Variants in TANGO6 observed in about 807,000 individuals in gnomAD.
TANGO6 encodes transport and Golgi organization protein 6 homolog.
A neutral mutation model predicts 114.2 loss-of-function variants in TANGO6; 90 were observed. The ratio of observed to expected loss-of-function variants is 0.79; its 90% CI spans 0.66 to 0.94. The LOEUF (loss-of-function observed/expected upper bound fraction) is 0.94. Ranked by LOEUF, TANGO6 falls within the 40% of genes least tolerant of loss-of-function variation. The pLI is 0.00. For missense variants in TANGO6, 1,274 were observed against 1,315.3 expected (o/e 0.97, Z 0.49); for synonymous variants, 477 against 509.8 (o/e 0.94, Z 0.87).
At chr16:68,935,569 G>GAGA (rs1313498669) in intron 14 of TANGO6, among the ~76,000 whole-genome samples, 2 of 152,032 alleles carry the variant, frequency 1.3e-5, no homozygotes, top group Non-Finnish European at 2.9e-5. Flanking sequence ...TATTCTTACT[G>GAGA]AGAAGCAGTG....
At position 68,867,235 on chromosome 16, in the gene TANGO6, G is replaced by T. The variant is rs1225102516; in HGVS notation, c.994+15G>T. 6.2e-7 allele frequency: 1 copy of T among 1,613,512 alleles called. No individual in the cohort carries two copies. The highest frequency in any genetic ancestry group is 8.5e-7 in the Non-Finnish European group (1 of 1,179,750). On this transcript the variant is annotated intron_variant, in intron 4 of 17. Transcript: ENST00000261778. The stretch of plus-strand genomic sequence containing the variant: ...AGGAGCAGGTGGTAAGAAATAAAAT[G>T]TTGCTGTGACTTTGGTATCTGTTTT...
chr16:68,858,346 G>A (rs1479497066), intron 1 of TANGO6, among the ~76,000 whole-genome samples: 1 of 152,092 alleles, frequency 6.6e-6, no homozygotes, highest in African/African-American at 2.4e-5. Flanking sequence ...TTATAGGCGT[G>A]AGCCACCGCG....
chr16:69,029,733 A>T (rs1362117343), intron 16 of TANGO6, among the ~76,000 whole-genome samples: 1 of 152,126 alleles, frequency 6.6e-6, no homozygotes, highest in African/African-American at 2.4e-5. Flanking sequence ...TTATTTTTCT[A>T]TATTAAGATT....
chr16:68,880,716 G>A, intron 7 of TANGO6, 86 bp downstream of exon 7: 1 of 915,170 alleles, frequency 1.1e-6, no homozygotes, highest in Non-Finnish European at 1.6e-6. Flanking sequence ...GAGATGGTGG[G>A]GTCTCACCAC....
At chr16:68,947,905 T>G (rs929256747) in intron 14 of TANGO6, among the ~76,000 whole-genome samples, 5 of 152,078 alleles carry the variant, frequency 3.3e-5, no homozygotes, top group African/African-American at 1.2e-4. Flanking sequence ...AACCCATCTT[T>G]TATAACTGAA....
intron 17 of TANGO6, among the ~76,000 whole-genome samples, chr16:69,057,644 A>G (rs921918563): frequency 2.6e-5 from 4 of 152,162 alleles, no homozygotes; most frequent in Admixed American, 1.3e-4. Context: ...TACACAGATC[A>G]TGGCCAACAG....
chr16:68,875,364 T>C, intron 5 of TANGO6, 74 bp downstream of exon 5: 1 of 1,522,710 alleles, frequency 6.6e-7, no homozygotes, highest in Non-Finnish European at 8.9e-7. Context: ...TTAATGTTCC[T>C]CTAGTATTGA....
chr16:69,029,732 T>C (rs1353238541), intron 16 of TANGO6, among the ~76,000 whole-genome samples: 1 of 152,148 alleles, frequency 6.6e-6, no homozygotes, highest in Non-Finnish European at 1.5e-5. Context: ...TTTATTTTTC[T>C]ATATTAAGAT....
intron 4 of TANGO6, among the ~76,000 whole-genome samples, chr16:68,872,853 C>T (rs945548936): frequency 2.6e-5 from 4 of 151,500 alleles, no homozygotes; most frequent in Non-Finnish European, 4.4e-5. Flanking sequence ...TGTGCCACCA[C>T]ACCCAGCTAA....
intron 12 of TANGO6, among the ~76,000 whole-genome samples, chr16:68,923,995 T>A (rs975302002): frequency 2.0e-5 from 3 of 152,182 alleles, no homozygotes; most frequent in African/African-American, 7.2e-5. Context: ...TTTCACAGGC[T>A]TTCACTTGAT....
At chr16:68,879,093 A>G (rs1432841642) in intron 6 of TANGO6, among the ~76,000 whole-genome samples, 2 of 152,100 alleles carry the variant, frequency 1.3e-5, no homozygotes, top group African/African-American at 2.4e-5. Context: ...TAATAATAAT[A>G]TATGATAAAA....
chr16:69,057,622 C>T (rs190333818), intron 17 of TANGO6, among the ~76,000 whole-genome samples: 9 of 152,232 alleles, frequency 5.9e-5, no homozygotes, highest in Admixed American at 2.6e-4. Context: ...TCTGAGTCAC[C>T]TGGGCATTCC....
At chr16:69,044,994 T>C (rs1320967346) in intron 17 of TANGO6, among the ~76,000 whole-genome samples, 3 of 151,542 alleles carry the variant, frequency 2.0e-5, no homozygotes, top group African/African-American at 4.9e-5. Context: ...ACCCTGTCTT[T>C]ACTAAAAATA....
chr16:69,023,059 C>A (rs1959439317), intron 16 of TANGO6, 80 bp downstream of exon 16: 1 of 1,417,218 alleles, frequency 7.1e-7, no homozygotes, highest in South Asian at 1.6e-5. Context: ...AGTCAGGAGA[C>A]CTGGGCTCTT....
intron 4 of TANGO6, 141 bp downstream of exon 4, chr16:68,867,361 A>G: frequency 9.4e-7 from 1 of 1,063,442 alleles, no homozygotes; most frequent in Non-Finnish European, 1.4e-6. Context: ...AACAGGTTAA[A>G]CTTAGAGGCC....
intron 15 of TANGO6, among the ~76,000 whole-genome samples, chr16:69,009,660 T>G (rs559681359): frequency 1.4e-4 from 22 of 152,342 alleles, no homozygotes; most frequent in African/African-American, 5.0e-4. Flanking sequence ...CATTGTAATA[T>G]TGTCCTTCAA....
intron 1 of TANGO6, among the ~76,000 whole-genome samples, chr16:68,858,065 A>ATTT (rs369292829): frequency 5.3e-4 from 76 of 143,612 alleles, no homozygotes; most frequent in Admixed American, 9.1e-4. Context: ...CTCTCGGAAG[A>ATTT]TTTTTTTTTT....
chr16:68,954,939 G>A (rs537168012), intron 14 of TANGO6, among the ~76,000 whole-genome samples: 6 of 152,166 alleles, frequency 3.9e-5, no homozygotes, highest in East Asian at 1.9e-4. Flanking sequence ...ATATGAACAC[G>A]TATTGATTTT....
At chr16:68,966,299 G>A (rs1429576272) in intron 14 of TANGO6, among the ~76,000 whole-genome samples, 1 of 151,968 alleles carries the variant, frequency 6.6e-6, no homozygotes, top group Non-Finnish European at 1.5e-5. Flanking sequence ...CAAGGCAGGT[G>A]GATTGCCCAG....
Sources: gnomAD v4.1 joint callset for allele counts (sites outside exome capture counted in the v4.1 genomes callset) on GRCh38, gnomAD v4.1.1 for gene constraint, MANE v1.5 for transcripts, NCBI Gene and HGNC (gene_info 2026-07-23, HGNC 2026-07-21) for gene names.